The following KLK8 variants were observed in gnomAD, a reference collection of about 807,000 sequenced individuals.
KLK8 encodes kallikrein-8.
A neutral mutation model predicts 26.7 loss-of-function variants in KLK8; 18 were observed. That is an observed-to-expected ratio of 0.67 (90% confidence interval 0.47 to 1.00). The LOEUF is 1.00. KLK8 is among the 50% of genes least tolerant of loss of function. KLK8 has a pLI of 0.00. For synonymous variants in KLK8, 137 were observed against 127.1 expected (o/e 1.08, Z -0.52); for missense variants, 301 against 331.7 (o/e 0.91, Z 0.72).
rs367960298 is a variant in KLK8 at position 51,000,278 on chromosome 19, T to C, written c.231-20A>G. Reference sequence around the variant, plus strand: ...TATTTCCTGTAATGGTGGGGATAGTTTGGGACCCAGGCAGGGGTATTGCCC... The same window carrying C: ...TATTTCCTGTAATGGTGGGGATAGTCTGGGACCCAGGCAGGGGTATTGCCC... On this transcript the variant is annotated intron_variant, in intron 4 of 6. Transcript: ENST00000600767. 1 of 1,560,568 alleles carries C rather than the reference T, an allele frequency of 6.4e-7. No homozygotes were observed. Among genetic ancestry groups the C allele is most frequent in the Non-Finnish European group, 8.7e-7 (1 of 1,147,816 alleles).
At chr19:51,000,159 G>A in exon 5 of KLK8, 1 of 1,613,798 alleles carries the variant, frequency 6.2e-7, no homozygotes, top group Non-Finnish European at 8.5e-7. Flanking sequence ...CATCGCTGCT[G>A]TTGTAGCAGG....
chr19:51,000,192 AG>A lies in KLK8; in HGVS notation c.296del (p.Pro99LeufsTer23), dbSNP rs762646260. The A allele has an allele frequency of 6.2e-7, 1 of 1,609,336 alleles. No individual in the cohort carries two copies. The highest frequency in any genetic ancestry group is 8.5e-7 in the Non-Finnish European group (1 of 1,175,970). On this transcript the variant is annotated frameshift_variant, in exon 5 of 7. Transcript: ENST00000600767. LOFTEE classifies it high-confidence loss of function. ...AGGGGTGTGGGATGGACTGAACCAC[AG>A]GTATTTCTTGCTCTGGGCCATCTTT...
exon 4 of KLK8, chr19:51,000,572 C>T (rs2091213955): frequency 3.1e-6 from 5 of 1,613,974 alleles, no homozygotes; most frequent in African/African-American, 2.7e-5. Context: ...TCCTCCTGTG[C>T]CCTGGAGTGT....
At chr19:50,997,272 ACAC>A (rs2091178688) in intron 6 of KLK8, among the ~76,000 whole-genome samples, 1 of 152,156 alleles carries the variant, frequency 6.6e-6, no homozygotes, top group South Asian at 2.1e-4. Flanking sequence ...AACTGGGAAG[ACAC>A]CATTGTCTCC....
intron 5 of KLK8, among the ~76,000 whole-genome samples, chr19:50,999,449 G>A (rs2091198922): frequency 6.6e-6 from 1 of 151,038 alleles, no homozygotes; most frequent in Non-Finnish European, 1.5e-5. Flanking sequence ...CGTGGTGGCG[G>A]GTGCCTGTAA....
At chr19:50,999,255 G>C (rs1391202927) in intron 5 of KLK8, 1 of 152,154 alleles carries the variant, frequency 6.6e-6, no homozygotes, top group Non-Finnish European at 1.5e-5. Flanking sequence ...TGAGGGAAGA[G>C]GTGACCAGGG....
chr19:50,997,203 G>T (rs1179615837), intron 6 of KLK8, among the ~76,000 whole-genome samples: 2 of 152,268 alleles, frequency 1.3e-5, no homozygotes, highest in East Asian at 3.9e-4. Flanking sequence ...AATCCCAAGA[G>T]AAAGGGATTG....
chr19:51,000,499 T>C (rs911082242), exon 4 of KLK8: 1 of 1,614,034 alleles, frequency 6.2e-7, no homozygotes, highest in Non-Finnish European at 8.5e-7. Context: ...TTGCTGGCCC[T>C]GGAACAAGGC....
In KLK8 at chr19:51,000,734, A is replaced by G. The variant is rs758523715; in HGVS notation, c.71-151T>C. On this transcript the variant is annotated intron_variant, in intron 3 of 6. Transcript: ENST00000600767. Reference sequence around the variant, plus strand: ...CTTCCACACGCTGCCACACGGGGACACTCATTTCAGTCCATGTGTCATCAT... The same window carrying G: ...CTTCCACACGCTGCCACACGGGGACGCTCATTTCAGTCCATGTGTCATCAT... The G allele has an allele frequency of 2.6e-6, 4 of 1,522,894 alleles. No individual in the cohort carries two copies. The East Asian group carries it at 6.8e-5, about 26-fold the overall frequency. 94.3% of individuals were successfully genotyped at this position (1,522,894 alleles called of 1,614,324 possible).
At chr19:50,998,793 G>A (rs1206557159) in intron 5 of KLK8, among the ~76,000 whole-genome samples, 2 of 152,136 alleles carry the variant, frequency 1.3e-5, no homozygotes, top group African/African-American at 2.4e-5. Flanking sequence ...TGAGCACTAG[G>A]AGAACACAAT....
intron 3 of KLK8, 119 bp downstream of exon 2, chr19:51,000,979 G>A (rs576083677): frequency 7.1e-6 from 7 of 991,018 alleles, no homozygotes; most frequent in South Asian, 1.5e-5. Context: ...GCACCGTATC[G>A]CACTCTTCAC....
intron 5 of KLK8, 63 bp downstream of exon 4, chr19:50,999,933 G>A (rs2091205395): frequency 1.3e-6 from 2 of 1,509,400 alleles, no homozygotes; most frequent in Non-Finnish European, 1.8e-6. Flanking sequence ...TTTGCCAATA[G>A]CTTGGGTTCC....
At chr19:50,998,568 C>T (rs2091190845) in intron 5 of KLK8, among the ~76,000 whole-genome samples, 1 of 152,124 alleles carries the variant, frequency 6.6e-6, no homozygotes, top group South Asian at 2.1e-4. Context: ...TTTTATTAAC[C>T]TCTTTTGAGG....
chr19:50,996,608 C>T (rs976886528), intron 6 of KLK8, among the ~76,000 whole-genome samples: 1 of 151,802 alleles, frequency 6.6e-6, no homozygotes, highest in African/African-American at 2.4e-5. Flanking sequence ...TGGTGCACAC[C>T]TGTAATCACA....
rs890821109 is a variant in KLK8 at position 51,000,962 on chromosome 19, G to A, written c.70+136C>T. 8 of 881,528 alleles carry A rather than the reference G, an allele frequency of 9.1e-6. No individual in the cohort carries two copies. In the African/African-American group the frequency reaches 1.3e-4, roughly 15 times the overall value. 54.6% of individuals were successfully genotyped at this position (881,528 alleles called of 1,614,324 possible). On this transcript the variant is annotated intron_variant, in intron 3 of 6. Coordinates refer to ENST00000600767, the Ensembl canonical transcript of KLK8. ...GTCCACCCTGAGGAAAGCCCACAGA[G>A]GCTCCTGCACCGTATCGCACTCTTC...
At chr19:51,000,799 A>G in intron 3 of KLK8, 2 of 1,377,332 alleles carry the variant, frequency 1.5e-6, no homozygotes, top group Non-Finnish European at 2.0e-6. Flanking sequence ...ACATGCTTCC[A>G]CATGAGTCTA....
At chr19:51,000,252 G>A in exon 5 of KLK8, 3 of 1,582,612 alleles carry the variant, frequency 1.9e-6, no homozygotes, top group East Asian at 2.3e-5. Flanking sequence ...GGCGTACTGT[G>A]TATTTCCTGT....
chr19:50,998,298 G>A (rs757963064), intron 5 of KLK8, among the ~76,000 whole-genome samples: 13 of 151,894 alleles, frequency 8.6e-5, no homozygotes, highest in Non-Finnish European at 1.2e-4. Flanking sequence ...CTGACCACTC[G>A]AATTAAAAAA....
chr19:51,000,494 G>A lies in KLK8; in HGVS notation c.160C>T (p.Gln54Ter), dbSNP rs2091212460. 2 of 1,613,924 alleles carry A rather than the reference G, an allele frequency of 1.2e-6. No individual in the cohort carries two copies. Among genetic ancestry groups the A allele is most frequent in the Non-Finnish European group, 1.7e-6 (2 of 1,180,016 alleles). ...AGGACACCGCCACAGAGTAGTTGCT[G>A]GCCCTGGAACAAGGCCGCCTGCCAA... Residue 54 changes from glutamine to a stop codon, truncating the protein, a stop_gained, in exon 4 of 7, where the codon CAG becomes TAG. Coordinates refer to ENST00000600767, the Ensembl canonical transcript of KLK8. LOFTEE classifies it high-confidence loss of function.
Sources: gnomAD v4.1 joint callset for allele counts (sites outside exome capture counted in the v4.1 genomes callset) on GRCh38, gnomAD v4.1.1 for gene constraint, MANE v1.5 for transcripts, NCBI Gene and HGNC (gene_info 2026-07-23, HGNC 2026-07-21) for gene names.